The following CDH12 variants were observed in gnomAD, a reference collection of about 807,000 sequenced individuals.
CDH12 encodes the protein cadherin-12.
Under a neutral mutation model 74.1 loss-of-function variants are expected in CDH12, and 41 were observed. The ratio of observed to expected loss-of-function variants is 0.55; its 90% CI spans 0.43 to 0.72. The LOEUF (loss-of-function observed/expected upper bound fraction) is 0.72, where lower values mean the gene tolerates loss of function less well. CDH12 is among the 30% of genes least tolerant of loss of function. CDH12 has a pLI of 0.00. For synonymous variants in CDH12, 399 were observed against 355.0 expected (o/e 1.12, Z -1.39); for missense variants, 945 against 977.2 (o/e 0.97, Z 0.44).
Position 22,184,204 on chromosome 5 carries a change from C to T in CDH12, c.-187+28294G>A, listed in dbSNP as rs184992194. 4.1e-3 allele frequency among the ~76,000 whole-genome samples: 625 copies of T among 152,032 alleles called. 6 individuals carry two copies. The highest frequency in any genetic ancestry group is 0.014 in the African/African-American group (578 of 41,454). ...TGTAGAGAGGACTAAGACAATAAAT[C>T]CAAAGTTTTTGGCATGTAACACATG... is the stretch of plus-strand genomic sequence containing the variant. On this transcript the variant is annotated intron_variant, in intron 4 of 14. Coordinates refer to ENST00000382254, the MANE Select transcript of CDH12 (RefSeq NM_004061.5).
chr5:21,776,791 T>C (rs1745614287), intron 11 of CDH12, among the ~76,000 whole-genome samples: 1 of 152,310 alleles, frequency 6.6e-6, no homozygotes, highest in South Asian at 2.1e-4. Context: ...GTCTTGTGTG[T>C]CTTAACTAAT....
chr5:21,861,863 T>C (rs1751062986), intron 6 of CDH12, among the ~76,000 whole-genome samples: 1 of 151,640 alleles, frequency 6.6e-6, no homozygotes, highest in Non-Finnish European at 1.5e-5. Flanking sequence ...TATTTTATGC[T>C]TGAACTTTAA....
In CDH12 at chr5:21,927,175, G is replaced by A. The variant is rs1442427254; in HGVS notation, c.526+47916C>T. Among the ~76,000 whole-genome samples the A allele has an allele frequency of 2.0e-5, 3 of 152,136 alleles. 1 individual carries two copies. Among genetic ancestry groups the A allele is most frequent in the African/African-American group, 7.2e-5 (3 of 41,502 alleles). On this transcript the variant is annotated intron_variant, in intron 6 of 14. Transcript: ENST00000382254. ...GGCTGGTGTATTATCAAGTAATTAA[G>A]GAGCAAAATTTTAAATTATATGCAA...
chr5:22,669,178 G>A (rs1438472348), intron 1 of CDH12, among the ~76,000 whole-genome samples: 1 of 151,936 alleles, frequency 6.6e-6, no homozygotes, highest in Non-Finnish European at 1.5e-5. Flanking sequence ...AAACAGATCT[G>A]TGGATGGGTC....
intron 1 of CDH12, among the ~76,000 whole-genome samples, chr5:22,698,734 TA>T (rs1561586147): frequency 7.0e-5 from 1 of 14,274 alleles, no homozygotes; most frequent in South Asian, 2.4e-3. Context: ...TATATATATA[TA>T]GTGTGTGTGT....
intron 1 of CDH12, among the ~76,000 whole-genome samples, chr5:22,742,042 A>G (rs914818868): frequency 2.0e-5 from 3 of 151,982 alleles, no homozygotes; most frequent in Admixed American, 1.3e-4. Context: ...GTAGCTGGGC[A>G]TGATGGCAGG....
intron 1 of CDH12, among the ~76,000 whole-genome samples, chr5:22,789,059 T>A (rs1423250187): frequency 1.3e-5 from 2 of 152,038 alleles, no homozygotes; most frequent in African/African-American, 2.4e-5. Context: ...TAAAGGAATA[T>A]CATAGTTTAT....
chr5:21,898,319 T>A (rs1363212584), intron 6 of CDH12, among the ~76,000 whole-genome samples: 1 of 152,128 alleles, frequency 6.6e-6, no homozygotes, highest in Non-Finnish European at 1.5e-5. Flanking sequence ...AAACTCCTGG[T>A]CTCAAGTGAT....
At chr5:22,129,240 G>A (rs1746045779) in intron 4 of CDH12, among the ~76,000 whole-genome samples, 1 of 152,206 alleles carries the variant, frequency 6.6e-6, no homozygotes, top group African/African-American at 2.4e-5. Flanking sequence ...ACGGTAGCAA[G>A]TTATGTAACA....
At chr5:22,158,745 G>T (rs1748168208) in intron 4 of CDH12, among the ~76,000 whole-genome samples, 1 of 151,964 alleles carries the variant, frequency 6.6e-6, no homozygotes, top group Non-Finnish European at 1.5e-5. Flanking sequence ...TTAAATAAAA[G>T]ACTATGCATC....
intron 5 of CDH12, among the ~76,000 whole-genome samples, chr5:21,979,614 C>T (rs1038386121): frequency 2.0e-5 from 3 of 152,036 alleles, no homozygotes; most frequent in Non-Finnish European, 4.4e-5. Flanking sequence ...TTGAAAAGTG[C>T]ACATAAAATG....
chr5:22,688,885 A>G (rs1279118105), intron 1 of CDH12, among the ~76,000 whole-genome samples: 1 of 152,178 alleles, frequency 6.6e-6, no homozygotes, highest in Non-Finnish European at 1.5e-5. Flanking sequence ...TTAATTAGGA[A>G]GAGAGTATTT....
chr5:22,468,780 A>C (rs189094966), intron 2 of CDH12, among the ~76,000 whole-genome samples: 15 of 152,294 alleles, frequency 9.8e-5, no homozygotes, highest in Admixed American at 9.8e-4. Flanking sequence ...CAACTATATA[A>C]CTAGAAAAAG....
chr5:21,895,397 G>T (rs1280527632), intron 6 of CDH12, among the ~76,000 whole-genome samples: 1 of 152,212 alleles, frequency 6.6e-6, no homozygotes, highest in Non-Finnish European at 1.5e-5. Flanking sequence ...GAGTAGAGAA[G>T]AGAAACTGTG....
rs377549032 is a variant in CDH12, at chr5:22,288,494, C to T, written c.-332-75851G>A. Among the ~76,000 whole-genome samples, 5 of 152,204 alleles carry T rather than the reference C, an allele frequency of 3.3e-5. No individual in the cohort carries two copies. The East Asian group carries it at 9.7e-4, about 29-fold the overall frequency. On this transcript the variant is annotated intron_variant, in intron 3 of 14. Coordinates refer to ENST00000382254, the MANE Select transcript of CDH12 (RefSeq NM_004061.5). ...TGTATGTACCTATATGTGTGCATGTCCGTATCTGATCTATTTTCTATTTTA... is the reference window on the plus strand; with the variant it reads ...TGTATGTACCTATATGTGTGCATGTTCGTATCTGATCTATTTTCTATTTTA...
chr5:22,827,173 T>C (rs1005542245), intron 1 of CDH12, among the ~76,000 whole-genome samples: 1 of 152,102 alleles, frequency 6.6e-6, no homozygotes, highest in African/African-American at 2.4e-5. Context: ...AATGGGCCAA[T>C]GTAGAGCTCG....
chr5:22,808,407 A>G (rs1313804934), intron 1 of CDH12, among the ~76,000 whole-genome samples: 2 of 152,142 alleles, frequency 1.3e-5, no homozygotes, highest in Non-Finnish European at 2.9e-5. Context: ...TTTTCAGAGA[A>G]AATTTTAAAT....
intron 3 of CDH12, among the ~76,000 whole-genome samples, chr5:22,339,787 GTA>G (rs1739763976): frequency 6.6e-6 from 1 of 152,166 alleles, no homozygotes; most frequent in Non-Finnish European, 1.5e-5. Context: ...TAGATGGCCA[GTA>G]TCAGGACATT....
chr5:22,466,319 T>C (rs1745726317), intron 2 of CDH12, among the ~76,000 whole-genome samples: 1 of 152,176 alleles, frequency 6.6e-6, no homozygotes. Flanking sequence ...TTTCAGTTTT[T>C]AAAAGCTCAG....
Sources: gnomAD v4.1 joint callset for allele counts (sites outside exome capture counted in the v4.1 genomes callset) on GRCh38, gnomAD v4.1.1 for gene constraint, MANE v1.5 for transcripts, NCBI Gene and HGNC (gene_info 2026-07-23, HGNC 2026-07-21) for gene names.